Variants in ARB2A observed in about 807,000 individuals in gnomAD.
ARB2A encodes cotranscriptional regulator ARB2A.
the ARB2A span, among the ~76,000 whole-genome samples, chr5:94,030,983 A>G: frequency 6.6e-6 from 1 of 152,204 alleles, no homozygotes; most frequent in Non-Finnish European, 1.5e-5. Flanking sequence ...TTAACCTCCC[A>G]GTCTCCAGAA....
chr5:93,740,852 G>A, the ARB2A span: 1 of 1,613,840 alleles, frequency 6.2e-7, no homozygotes, highest in Non-Finnish European at 8.5e-7. Context: ...CTGATTTGCT[G>A]GGGTGTGGGC....
At chr5:93,981,057 C>T in the ARB2A span, among the ~76,000 whole-genome samples, 1 of 139,132 alleles carries the variant, frequency 7.2e-6, no homozygotes, top group Non-Finnish European at 1.5e-5. Context: ...TTTCTGATTA[C>T]TGTATTTCTT....
the ARB2A span, chr5:93,618,206 G>C: frequency 2.0e-5 from 3 of 151,612 alleles, no homozygotes; most frequent in Admixed American, 2.0e-4. Context: ...GCAGAAACTC[G>C]AGAAAAGAAC....
At chr5:93,803,547 C>T in the ARB2A span, among the ~76,000 whole-genome samples, 177 of 139,508 alleles carry the variant, frequency 1.3e-3, no homozygotes, top group Non-Finnish European at 2.1e-3. Context: ...ATACTGGGGC[C>T]TATTGGAGGG....
chr5:93,918,715 C>T, the ARB2A span, among the ~76,000 whole-genome samples: 2 of 152,172 alleles, frequency 1.3e-5, no homozygotes, highest in Non-Finnish European at 2.9e-5. Flanking sequence ...AGCCACTGCG[C>T]CTAGCCCCAA....
the ARB2A span, chr5:93,860,907 A>C: frequency 1.3e-5 from 2 of 152,164 alleles, no homozygotes; most frequent in South Asian, 2.1e-4. Context: ...CGGCCTCCCA[A>C]AGTGCTAGGA....
chr5:94,099,377 C>A, the ARB2A span, among the ~76,000 whole-genome samples: 2 of 151,978 alleles, frequency 1.3e-5, no homozygotes, highest in Non-Finnish European at 2.9e-5. Context: ...GTAATCCCAG[C>A]ACTTTGGGAG....
the ARB2A span, among the ~76,000 whole-genome samples, chr5:93,902,650 G>A: frequency 6.6e-6 from 1 of 152,110 alleles, no homozygotes; most frequent in African/African-American, 2.4e-5. Flanking sequence ...AAGCAGCATC[G>A]GGAGAGTAGC....
the ARB2A span, among the ~76,000 whole-genome samples, chr5:93,972,320 T>C: frequency 6.6e-6 from 1 of 152,084 alleles, no homozygotes; most frequent in South Asian, 2.1e-4. Flanking sequence ...CAAACCTATC[T>C]ATATCCAAGA....
chr5:93,910,906 G>T, the ARB2A span: 5 of 151,040 alleles, frequency 3.3e-5, no homozygotes, highest in African/African-American at 1.2e-4. Context: ...GCTTTTTTTT[G>T]AACATCTATA....
At chr5:93,973,625 C>A in the ARB2A span, among the ~76,000 whole-genome samples, 1 of 151,814 alleles carries the variant, frequency 6.6e-6, no homozygotes, top group Non-Finnish European at 1.5e-5. Context: ...ATCAGACTAT[C>A]CAAGATCAAT....
the ARB2A span, among the ~76,000 whole-genome samples, chr5:94,046,145 T>C: frequency 6.6e-6 from 1 of 152,208 alleles, no homozygotes; most frequent in Non-Finnish European, 1.5e-5. Flanking sequence ...CTTGAACGCA[T>C]GACTCAGAAA....
chr5:93,784,451 A>G, the ARB2A span: 2 of 1,613,424 alleles, frequency 1.2e-6, no homozygotes, highest in African/African-American at 1.3e-5. Context: ...GAGTCTGTCA[A>G]TGCCACAGCA....
At chr5:93,925,294 G>A in the ARB2A span, among the ~76,000 whole-genome samples, 1 of 152,124 alleles carries the variant, frequency 6.6e-6, no homozygotes, top group Non-Finnish European at 1.5e-5. Flanking sequence ...CATTGTACGA[G>A]ACTATGATAG....
At chr5:93,855,024 T>C in the ARB2A span, among the ~76,000 whole-genome samples, 1 of 152,206 alleles carries the variant, frequency 6.6e-6, no homozygotes, top group African/African-American at 2.4e-5. Context: ...GTTAACTTTC[T>C]GTCTTGTTGA....
At chr5:93,908,958 G>A in the ARB2A span, among the ~76,000 whole-genome samples, 1 of 150,922 alleles carries the variant, frequency 6.6e-6, no homozygotes, top group Non-Finnish European at 1.5e-5. Context: ...TAAGAATGCT[G>A]CTAGAATGAA....
chr5:93,779,370 T>G, the ARB2A span, among the ~76,000 whole-genome samples: 1 of 152,212 alleles, frequency 6.6e-6, no homozygotes, highest in Non-Finnish European at 1.5e-5. Flanking sequence ...CTTTTGGTGC[T>G]TTTCTAATAC....
the ARB2A span, among the ~76,000 whole-genome samples, chr5:94,071,559 A>C: frequency 1.3e-5 from 2 of 152,268 alleles, no homozygotes; most frequent in Admixed American, 1.3e-4. Flanking sequence ...TAAAAACTCC[A>C]TTTAGAAAAT....
At chr5:93,881,053 T>C in the ARB2A span, among the ~76,000 whole-genome samples, 1 of 151,726 alleles carries the variant, frequency 6.6e-6, no homozygotes, top group African/African-American at 2.4e-5. Flanking sequence ...GCAGGTGATA[T>C]GTCTTAGAAT....
Sources: gnomAD v4.1 joint callset for allele counts (sites outside exome capture counted in the v4.1 genomes callset) on GRCh38, gnomAD v4.1.1 for gene constraint, MANE v1.5 for transcripts, NCBI Gene and HGNC (gene_info 2026-07-23, HGNC 2026-07-21) for gene names.